The following ATN1 variants were observed in gnomAD, a reference collection of about 807,000 sequenced individuals.
The protein encoded by ATN1 is atrophin 1, also known as atrophin-1.
Under a neutral mutation model 85.8 loss-of-function variants are expected in ATN1, and 19 were observed. That is an observed-to-expected ratio of 0.22 (90% CI 0.15 to 0.32). ATN1 has a LOEUF of 0.32. Among genes scored for constraint, ATN1 ranks in the 10% least tolerant of loss-of-function variants. The pLI, the probability that ATN1 is intolerant of heterozygous loss-of-function variation, is 1.00. For synonymous variants in ATN1, 674 were observed against 657.0 expected (o/e 1.03, Z -0.39); for missense variants, 1,453 against 1,564.5 (o/e 0.93, Z 1.20).
chr12:6,929,954 CCTT>C (rs1427333179), intron 1 of ATN1, among the ~76,000 whole-genome samples: 10 of 152,354 alleles, frequency 6.6e-5, no homozygotes, highest in East Asian at 3.9e-4. Context: ...TAACCTTTGG[CCTT>C]CTTCCCTGAC....
At chr12:6,939,322 C>A in intron 7 of ATN1, 145 bp downstream of exon 7, 1 of 1,219,564 alleles carries the variant, frequency 8.2e-7, no homozygotes, top group Non-Finnish European at 1.1e-6. Flanking sequence ...CTTTGCCTCC[C>A]TGACGTTCTC....
At position 6,936,905 on chromosome 12, in the gene ATN1, A is replaced by G; in HGVS notation, c.1638A>G (p.Pro546=). 6.2e-7 allele frequency: 1 copy of G among 1,614,024 alleles called. No homozygotes were observed. The highest frequency in any genetic ancestry group is 8.5e-7 in the Non-Finnish European group (1 of 1,179,978). The change falls in exon 5 of 10, where the codon CCA becomes CCG. Residue 546 remains proline, a synonymous_variant. Transcript: ENST00000396684. ...LGSLRPYPPG[P]AHLPPPHSQV... ...CTCTGAGGCCCTACCCACCAGGGCC[A>G]GCACACCTGCCCCCACCTCACAGCC...
In ATN1 at chr12:6,942,220, C is replaced by T. The variant is rs782430036; in HGVS notation, c.*440C>T. ...GCAATGTATGCCCCTTGCCCCTTCC[C>T]CACACTAATAATTTATATATATAAA... On this transcript the variant is annotated 3_prime_UTR_variant, in exon 10 of 10. Coordinates refer to ENST00000396684, the MANE Select transcript of ATN1 (RefSeq NM_001940.4). 6.0e-6 allele frequency: 1 copy of T among 167,678 alleles called. No homozygotes were observed. Among genetic ancestry groups the T allele is most frequent in the Admixed American group, 5.9e-5 (1 of 16,918 alleles). 10.4% of individuals were successfully genotyped at this position (167,678 alleles called of 1,614,324 possible).
In ATN1 at chr12:6,936,736, AGCAGCAGCAGCAG is replaced by A; in HGVS notation, c.1470_1482del (p.Gln490HisfsTer46). ...CACCACCAGCAACAGCAACAGCAGC[AGCAGCAGCAGCAG>A]CAGCAGCAGCAGCAGCAGCAGCAGC... On this transcript the variant is annotated frameshift_variant, in exon 5 of 10. Coordinates refer to ENST00000396684, the MANE Select transcript of ATN1 (RefSeq NM_001940.4). LOFTEE classifies it high-confidence loss of function. The A allele has an allele frequency of 4.8e-6, 4 of 840,050 alleles. No individual in the cohort carries two copies. Among genetic ancestry groups the A allele is most frequent in the South Asian group, 2.1e-5 (1 of 48,490 alleles). 52.0% of individuals were successfully genotyped at this position (840,050 alleles called of 1,614,324 possible). A position where few individuals can be genotyped will look rare whatever the true frequency, so the allele number is the denominator to read the frequency against.
In ATN1 at chr12:6,937,936, C is replaced by A. The variant is rs781853524; in HGVS notation, c.2386C>A (p.Arg796=). 4 of 1,589,552 alleles carry A rather than the reference C, an allele frequency of 2.5e-6. No homozygotes were observed. The highest frequency in any genetic ancestry group is 8.6e-7 in the Non-Finnish European group (1 of 1,168,666). ...PLEGSKLAKK[R]ADLVEKVRRE... is the part of the protein sequence containing the mutation. ...GGAGGGCTCCAAGCTGGCCAAGAAG[C>A]GGGCCGACCTGGTGGAGAAGGTGCG... The change falls in exon 6 of 10, where the codon CGG becomes AGG. Residue 796 remains arginine (R), a synonymous_variant. Coordinates refer to ENST00000396684, the MANE Select transcript of ATN1 (RefSeq NM_001940.4). This position sits in a 1 kb window ranked among gnomAD's most constrained non-coding sequence, Gnocchi z 6.0.
Position 6,935,815 on chromosome 12 carries a change from T to G in ATN1, c.548T>G (p.Phe183Cys). Residue 183 changes from phenylalanine (F) to cysteine (C), a missense_variant, in exon 5 of 10, where the codon TTT becomes TGT. Around this residue, in one of 6 missense-constraint regions of ATN1, gnomAD observed 990 missense variants for 914.8 expected, o/e 1.08. Transcript: ENST00000396684. The surrounding 1 kb of genome is among the most constrained non-coding windows in gnomAD (Gnocchi z 5.3). ...DSTPRQPEAS[F>C]EPHPSVTPTG... ...ACCCCTCGACAGCCAGAGGCTAGCTTTGAACCCCATCCTTCTGTGACACCC... is the reference window on the plus strand; with the variant it reads ...ACCCCTCGACAGCCAGAGGCTAGCTGTGAACCCCATCCTTCTGTGACACCC... 1.2e-6 allele frequency: 2 copies of G among 1,613,882 alleles called. No homozygotes were observed. The highest frequency in any genetic ancestry group is 4.5e-5 in the East Asian group (2 of 44,876).
Position 6,941,325 on chromosome 12 carries a change from G to A in ATN1, c.3359-49G>A. The stretch of plus-strand genomic sequence containing the variant: ...GCTGGCTATCCCCTGGTCCAGAGCA[G>A]GTACTTGTTATCCGTTGGTCATATG... On this transcript the variant is annotated intron_variant, in intron 8 of 9. Transcript: ENST00000396684. The surrounding 1 kb of genome is among the most constrained non-coding windows in gnomAD (Gnocchi z 5.9). The A allele has an allele frequency of 6.5e-7, 1 of 1,542,540 alleles. No individual in the cohort carries two copies. Among genetic ancestry groups the A allele is most frequent in the Non-Finnish European group, 8.7e-7 (1 of 1,145,154 alleles).
In ATN1 at chr12:6,941,855, T is replaced by C. The variant is rs1945641084; in HGVS notation, c.*75T>C. On this transcript the variant is annotated 3_prime_UTR_variant, in exon 10 of 10. Coordinates refer to ENST00000396684, the MANE Select transcript of ATN1 (RefSeq NM_001940.4). The surrounding 1 kb of genome is among the most constrained non-coding windows in gnomAD (Gnocchi z 5.9). Reference sequence around the variant, plus strand: ...CCCCCACCCTCCCCCCACCGTGCCCTTGGCCTGCCACCCAGAGCCAAGAGG... The same window carrying C: ...CCCCCACCCTCCCCCCACCGTGCCCCTGGCCTGCCACCCAGAGCCAAGAGG... 6.7e-6 allele frequency: 10 copies of C among 1,492,862 alleles called. No homozygotes were observed. The highest frequency in any genetic ancestry group is 1.7e-4 in the Middle Eastern group (1 of 5,844). 92.5% of individuals were successfully genotyped at this position (1,492,862 alleles called of 1,614,324 possible).
chr12:6,930,947 G>C (rs1461223820), intron 1 of ATN1, among the ~76,000 whole-genome samples: 1 of 152,088 alleles, frequency 6.6e-6, no homozygotes, highest in Non-Finnish European at 1.5e-5. Context: ...GCTAAAACAT[G>C]ACCCAGGTCT....
chr12:6,938,115 C>T, intron 6 of ATN1, 48 bp downstream of exon 6: 5 of 1,507,030 alleles, frequency 3.3e-6, no homozygotes, highest in Non-Finnish European at 4.4e-6. Context: ...CTCTTTCCTT[C>T]CTTCCCTCTG....
chr12:6,933,664 C>T lies in ATN1; in HGVS notation c.-162-176C>T, dbSNP rs182195726. On this transcript the variant is annotated intron_variant, in intron 1 of 9. Coordinates refer to ENST00000396684, the MANE Select transcript of ATN1 (RefSeq NM_001940.4). The stretch of plus-strand genomic sequence containing the variant: ...TTATACTTCGAGCAGAATCTGCCTC[C>T]CTTTTAGATAGCTAAGGTAGCCCAT... Among the ~76,000 whole-genome samples the T allele has an allele frequency of 1.4e-3, 209 of 152,282 alleles. 2 individuals are homozygous for T. The highest frequency in any genetic ancestry group is 2.2e-4 in the Non-Finnish European group (15 of 68,026).
Position 6,934,548 on chromosome 12 carries a change from G to A in ATN1, c.249G>A (p.Glu83=). The A allele has an allele frequency of 6.4e-7, 1 of 1,570,440 alleles. No individual in the cohort carries two copies. Among genetic ancestry groups the A allele is most frequent in the Non-Finnish European group, 8.6e-7 (1 of 1,157,070 alleles). The change falls in exon 4 of 10, where the codon GAG becomes GAA. Residue 83 remains glutamate, a synonymous_variant. Transcript: ENST00000396684. This position sits in a 1 kb window ranked among gnomAD's most constrained non-coding sequence, Gnocchi z 4.5. The part of the protein sequence containing the change: ...SEEISESESE[E]TNAPKKTKTE... Reference sequence around the variant, plus strand: ...AGATCTCAGAGAGTGAAAGTGAGGAGACCAATGCACCAAAAAAGACCAAAA... The same window carrying A: ...AGATCTCAGAGAGTGAAAGTGAGGAAACCAATGCACCAAAAAAGACCAAAA...
chr12:6,937,753 G>GGGGGCTACAAGCACTCGCC lies in ATN1; in HGVS notation c.2295-86_2295-68dup. 1 of 1,460,672 alleles carries GGGGGCTACAAGCACTCGCC rather than the reference G, an allele frequency of 6.8e-7. No individual in the cohort carries two copies. 90.5% of individuals were successfully genotyped at this position (1,460,672 alleles called of 1,614,324 possible). A position where few individuals can be genotyped will look rare whatever the true frequency, so the allele number is the denominator to read the frequency against. On this transcript the variant is annotated intron_variant, in intron 5 of 9. Coordinates refer to ENST00000396684, the MANE Select transcript of ATN1 (RefSeq NM_001940.4). This position sits in a 1 kb window ranked among gnomAD's most constrained non-coding sequence, Gnocchi z 6.0. ...CAGCCTGCAGGGGTGGTTTTGAGGC[G>GGGGGCTACAAGCACTCGCC]GGGGCTACAAGCACTCGCCGGGGCC...
intron 1 of ATN1, among the ~76,000 whole-genome samples, chr12:6,928,735 G>C (rs1390403633): frequency 6.6e-6 from 1 of 152,314 alleles, no homozygotes; most frequent in East Asian, 1.9e-4. Context: ...AGGAAAACGG[G>C]GGATGCTGTG....
upstream of ATN1, among the ~76,000 whole-genome samples, chr12:6,927,280 C>T (rs1427315490): frequency 1.3e-5 from 2 of 152,036 alleles, no homozygotes; most frequent in Non-Finnish European, 1.5e-5. Context: ...CCCATTCTCT[C>T]TGATAATAGC....
In ATN1 at chr12:6,941,261, T is replaced by C; in HGVS notation, c.3359-113T>C. ...TGGCAACTTACAGAACTGGGTGTGT[T>C]ACCTCACTTTTTAGTTCATTACCTT... On this transcript the variant is annotated intron_variant, in intron 8 of 9. Transcript: ENST00000396684. The surrounding 1 kb of genome is among the most constrained non-coding windows in gnomAD (Gnocchi z 5.9). The C allele has an allele frequency of 1.5e-6, 2 of 1,362,596 alleles. No individual in the cohort carries two copies. Among genetic ancestry groups the C allele is most frequent in the South Asian group, 2.8e-5 (2 of 71,032 alleles). 84.4% of individuals were successfully genotyped at this position (1,362,596 alleles called of 1,614,324 possible).
Position 6,937,561 on chromosome 12 carries a change from G to A in ATN1, c.2294G>A (p.Arg765Lys). ...DVPSHASQSA[R>K]FNKHLDRGFN... ...CCCAGCCATGCCAGTCAGTCTGCCA[G>A]GTGAGCGGCCAGGTGGGGCGGAGGT... Residue 765 changes from arginine to lysine, a missense_variant and splice_region_variant, in exon 5 of 10, where the codon AGG (arginine) becomes AAG (lysine). By Grantham distance (26) the Arg-to-Lys change is conservative (BLOSUM62 2). Transcript: ENST00000396684. This position sits in a 1 kb window ranked among gnomAD's most constrained non-coding sequence, Gnocchi z 6.0. The A allele has an allele frequency of 6.7e-7, 1 of 1,494,790 alleles. No homozygotes were observed. The highest frequency in any genetic ancestry group is 8.9e-7 in the Non-Finnish European group (1 of 1,122,644). 92.6% of individuals were successfully genotyped at this position (1,494,790 alleles called of 1,614,324 possible). A position where few individuals can be genotyped will look rare whatever the true frequency, so the allele number is the denominator to read the frequency against.
intron 1 of ATN1, among the ~76,000 whole-genome samples, chr12:6,933,403 G>C (rs1424744388): frequency 6.6e-6 from 1 of 152,000 alleles, no homozygotes; most frequent in Non-Finnish European, 1.5e-5. Context: ...TGTTGGCTAG[G>C]CTGGTCTTGA....
At position 6,937,460 on chromosome 12, in the gene ATN1, TGAG is replaced by T; in HGVS notation, c.2197_2199del (p.Glu733del). Reference sequence around the variant, plus strand: ...CCACGCAGATCAAACAGGAGCCGGCTGAGGAGTATGAGACCCCCGAGAGCCCGG... The same window carrying T: ...CCACGCAGATCAAACAGGAGCCGGCTGAGTATGAGACCCCCGAGAGCCCGG... On this transcript the variant is annotated inframe_deletion, in exon 5 of 10. Coordinates refer to ENST00000396684, the MANE Select transcript of ATN1 (RefSeq NM_001940.4). The surrounding 1 kb of genome is among the most constrained non-coding windows in gnomAD (Gnocchi z 6.0). 6.5e-7 allele frequency: 1 copy of T among 1,546,322 alleles called. No individual in the cohort carries two copies. The highest frequency in any genetic ancestry group is 8.7e-7 in the Non-Finnish European group (1 of 1,147,146).
Sources: gnomAD v4.1 joint callset for allele counts (sites outside exome capture counted in the v4.1 genomes callset) on GRCh38, gnomAD v4.1.1 for gene constraint, gnomAD v4.1.1 regional missense constraint, Gnocchi (gnomAD v3.1) non-coding constraint, MANE v1.5 for transcripts, NCBI Gene and HGNC (gene_info 2026-07-23, HGNC 2026-07-21) for gene names.